Variants in PIMREG observed in about 807,000 individuals in gnomAD.
PIMREG encodes the protein PICALM interacting mitotic regulator.
PIMREG carries 19 observed loss-of-function variants against 24.3 expected under a neutral mutation model. The ratio of observed to expected loss-of-function variants is 0.78; its 90% CI spans 0.54 to 1.15. The LOEUF (loss-of-function observed/expected upper bound fraction) is 1.15. PIMREG is among the 50% of genes most tolerant of loss of function. The pLI is 0.00. For missense variants in PIMREG, 283 were observed against 306.8 expected, an observed-to-expected ratio of 0.92 and a Z score of 0.58; for synonymous variants, 112 against 124.1, an observed-to-expected ratio of 0.90 and a Z score of 0.65.
intron 2 of PIMREG, among the ~76,000 whole-genome samples, chr17:6,446,351 G>C (rs58985891): frequency 0.044 from 6,623 of 152,240 alleles, 387 homozygotes; most frequent in African/African-American, 0.13. Flanking sequence ...GAATTCTGAA[G>C]ATGAAAGAAT....
chr17:6,449,270 A>T (rs1301649421), intron 3 of PIMREG, 42 bp from the exon 4 acceptor site: 2 of 1,556,164 alleles, frequency 1.3e-6, no homozygotes, highest in Admixed American at 3.6e-5. Flanking sequence ...TCCTGCCGGG[A>T]GTTTCCAACT....
rs1000622949 is a variant in PIMREG at position 6,450,023 on chromosome 17, T to C, written c.687-5T>C. On this transcript the variant is annotated splice_region_variant and splice_polypyrimidine_tract_variant and intron_variant, in intron 4 of 5. Coordinates refer to ENST00000572447, the MANE Select transcript of PIMREG (RefSeq NM_019013.3). Reference sequence around the variant, plus strand: ...AGTGGCATCAATCCCTCCCCTTCTCTCTAGTGGTGACATCGTCTCTCTCAT... The same window carrying C: ...AGTGGCATCAATCCCTCCCCTTCTCCCTAGTGGTGACATCGTCTCTCTCAT... 1.2e-6 allele frequency: 2 copies of C among 1,613,874 alleles called. No individual in the cohort carries two copies. Among genetic ancestry groups the C allele is most frequent in the Non-Finnish European group, 1.7e-6 (2 of 1,179,922 alleles).
chr17:6,445,391 G>A lies in PIMREG; in HGVS notation c.281G>A (p.Gly94Asp), dbSNP rs767141459. Residue 94 changes from glycine (G) to aspartate (D), a missense_variant, in exon 2 of 6, where the codon GGT becomes GAT. Coordinates refer to ENST00000572447, the MANE Select transcript of PIMREG (RefSeq NM_019013.3). ...GCTCGCTCAGCTAAGAGTGCTTTGG[G>A]TGCCGTGTCCCAGGTAATACTGACA... ...AAARSAKSAL[G>D]AVSQRIQESC... 1.2e-6 allele frequency: 2 copies of A among 1,611,398 alleles called. No homozygotes were observed. Among genetic ancestry groups the A allele is most frequent in the South Asian group, 2.2e-5 (2 of 90,946 alleles).
At position 6,449,301 on chromosome 17, in the gene PIMREG, C is replaced by T; in HGVS notation, c.591-11C>T. 6.2e-7 allele frequency: 1 copy of T among 1,603,456 alleles called. No homozygotes were observed. The highest frequency in any genetic ancestry group is 1.1e-5 in the South Asian group (1 of 89,406). ...CAACTAGTCACTGGTGTGGCTTTTT[C>T]TTTCATGCAGCGAGTCTGACAGTGA... On this transcript the variant is annotated splice_polypyrimidine_tract_variant and intron_variant, in intron 3 of 5. Coordinates refer to ENST00000572447, the MANE Select transcript of PIMREG (RefSeq NM_019013.3).
chr17:6,449,937 T>C (rs1319378164), intron 4 of PIMREG, 91 bp from the exon 5 acceptor site: 8 of 1,491,190 alleles, frequency 5.4e-6, no homozygotes, highest in East Asian at 2.3e-5. Context: ...TCCTACCACA[T>C]TTCCGGGTCT....
At chr17:6,448,300 A>AG (rs979701612) in intron 3 of PIMREG, among the ~76,000 whole-genome samples, 2 of 150,502 alleles carry the variant, frequency 1.3e-5, no homozygotes, top group Non-Finnish European at 3.0e-5. Context: ...AAAAAAAAAA[A>AG]AAGAGAGAGA....
chr17:6,447,361 CT>C (rs1351613198), intron 2 of PIMREG, 101 bp from the exon 3 acceptor site: 14 of 1,288,984 alleles, frequency 1.1e-5, no homozygotes, highest in Non-Finnish European at 1.1e-5. Flanking sequence ...GGTGATCTGC[CT>C]GCCTCGGCCT....
At position 6,448,138 on chromosome 17, in the gene PIMREG, C is replaced by G. The variant is rs1175325393; in HGVS notation, c.590+380C>G. Among the ~76,000 whole-genome samples the G allele has an allele frequency of 3.3e-5, 5 of 151,772 alleles. No homozygotes were observed. In the East Asian group the frequency reaches 9.7e-4, roughly 29 times the overall value. On this transcript the variant is annotated intron_variant, in intron 3 of 5. Transcript: ENST00000572447. ...ATCTCTACTAAAAATACAAAATTGG[C>G]TGGGCGTGGTGGTGCACGCCTGTAA...
rs1436372370 is a variant in PIMREG, at chr17:6,444,483, T to C, written c.-41T>C. 1 of 153,270 alleles carries C rather than the reference T, an allele frequency of 6.5e-6. No homozygotes were observed. Among genetic ancestry groups the C allele is most frequent in the Non-Finnish European group, 1.5e-5 (1 of 68,734 alleles). 9.5% of individuals were successfully genotyped at this position (153,270 alleles called of 1,614,324 possible). A position where few individuals can be genotyped will look rare whatever the true frequency, so the allele number is the denominator to read the frequency against. ...CTGCGGCTGTGCTCGGCCTTAGTGG[T>C]GTCGGGTGAGTGCGGGCTGGGCACA... On this transcript the variant is annotated 5_prime_UTR_variant, in exon 1 of 6. Transcript: ENST00000572447. This position sits in a 1 kb window ranked among gnomAD's most constrained non-coding sequence, Gnocchi z 4.3.
intron 5 of PIMREG, 144 bp from the exon 6 acceptor site, chr17:6,450,218 C>A: frequency 1.8e-6 from 2 of 1,122,070 alleles, no homozygotes; most frequent in Non-Finnish European, 2.6e-6. Context: ...CTGCTAACCT[C>A]ACTGACCCCG....
intron 2 of PIMREG, chr17:6,447,239 G>C (rs1375503245): frequency 2.1e-6 from 1 of 472,642 alleles, no homozygotes; most frequent in East Asian, 3.8e-5. Context: ...AGCCACCCAA[G>C]TAGCTGGGAT....
intron 5 of PIMREG, 57 bp downstream of exon 5, chr17:6,450,129 G>T (rs367738973): frequency 1.3e-6 from 2 of 1,573,360 alleles, no homozygotes; most frequent in Non-Finnish European, 8.7e-7. Flanking sequence ...TCTCATGCAT[G>T]AGCAAGTTAA....
Position 6,450,086 on chromosome 17 carries a change from C to T in PIMREG, c.*14+14C>T. The stretch of plus-strand genomic sequence containing the variant: ...AAGTGCCTGCAGGTAATGCCCACCT[C>T]CCAAGAGTCTTTCTCACTGTCCTTC... On this transcript the variant is annotated intron_variant, in intron 5 of 5. Coordinates refer to ENST00000572447, the MANE Select transcript of PIMREG (RefSeq NM_019013.3). 1 of 1,613,084 alleles carries T rather than the reference C, an allele frequency of 6.2e-7. No individual in the cohort carries two copies. The highest frequency in any genetic ancestry group is 8.5e-7 in the Non-Finnish European group (1 of 1,179,024).
At chr17:6,449,866 T>A in intron 4 of PIMREG, 162 bp from the exon 5 acceptor site, 1 of 1,381,724 alleles carries the variant, frequency 7.2e-7, no homozygotes, top group Non-Finnish European at 9.7e-7. Context: ...TCCACTTGTA[T>A]AATGGCCATG....
In PIMREG at chr17:6,449,478, G is replaced by A. The variant is rs189458224; in HGVS notation, c.686+71G>A. 2.9e-5 allele frequency: 41 copies of A among 1,423,724 alleles called. No individual in the cohort carries two copies. In the Middle Eastern group the frequency reaches 7.3e-4, roughly 25 times the overall value. 88.2% of individuals were successfully genotyped at this position (1,423,724 alleles called of 1,614,324 possible). A position where few individuals can be genotyped will look rare whatever the true frequency, so the allele number is the denominator to read the frequency against. ...CCTCCAGCCATCTTTGTAGGCAGGCGTTGGTTCTGCTCTGACCTGCTGTGT... is the reference window on the plus strand; with the variant it reads ...CCTCCAGCCATCTTTGTAGGCAGGCATTGGTTCTGCTCTGACCTGCTGTGT... On this transcript the variant is annotated intron_variant, in intron 4 of 5. Coordinates refer to ENST00000572447, the MANE Select transcript of PIMREG (RefSeq NM_019013.3).
intron 4 of PIMREG, 149 bp from the exon 5 acceptor site, chr17:6,449,879 G>A: frequency 7.2e-7 from 1 of 1,381,824 alleles, no homozygotes; most frequent in Non-Finnish European, 9.8e-7. Context: ...TGGCCATGAT[G>A]GGCTCTAAGG....
chr17:6,445,792 T>C (rs1913549183), intron 2 of PIMREG, among the ~76,000 whole-genome samples: 1 of 151,924 alleles, frequency 6.6e-6, no homozygotes, highest in Non-Finnish European at 1.5e-5. Context: ...GTAGGGGAAA[T>C]AGTGCAAGTC....
intron 2 of PIMREG, 106 bp from the exon 3 acceptor site, chr17:6,447,357 C>G (rs1212943201): frequency 4.8e-6 from 6 of 1,239,250 alleles, no homozygotes; most frequent in East Asian, 2.3e-5. Context: ...CTCAGGTGAT[C>G]TGCCTGCCTC....
At chr17:6,447,230 G>T in intron 2 of PIMREG, 1 of 451,226 alleles carries the variant, frequency 2.2e-6, no homozygotes, top group Non-Finnish European at 4.0e-6. Flanking sequence ...TCATGCCTCA[G>T]CCACCCAAGT....
Sources: gnomAD v4.1 joint callset for allele counts (sites outside exome capture counted in the v4.1 genomes callset) on GRCh38, gnomAD v4.1.1 for gene constraint, Gnocchi (gnomAD v3.1) non-coding constraint, MANE v1.5 for transcripts, NCBI Gene and HGNC (gene_info 2026-07-23, HGNC 2026-07-21) for gene names.